DCLK3: variants seen among roughly 807,000 people sequenced by gnomAD.
DCLK3 encodes the protein serine/threonine-protein kinase DCLK3.
A neutral mutation model predicts 46.4 loss-of-function variants in DCLK3; 30 were observed. That is an observed-to-expected ratio of 0.65 (90% CI 0.48 to 0.88). The LOEUF (loss-of-function observed/expected upper bound fraction) is 0.88. DCLK3 is among the 40% of genes least tolerant of loss of function. The probability of loss-of-function intolerance (pLI) is 0.00; values close to 1 mark genes in which losing one functional copy is unlikely to be tolerated. For synonymous variants in DCLK3, 401 were observed against 339.2 expected, an observed-to-expected ratio of 1.18 and a Z score of -2.00; for missense variants, 846 against 907.1, an observed-to-expected ratio of 0.93 and a Z score of 0.87.
At chr3:36,720,011 A>T (rs1370610657) in intron 3 of DCLK3, among the ~76,000 whole-genome samples, 1 of 152,158 alleles carries the variant, frequency 6.6e-6, no homozygotes, top group Non-Finnish European at 1.5e-5. Context: ...CGGTTTGGAT[A>T]TTTGTCCCCT....
At chr3:36,736,455 G>A (rs968849997) in intron 2 of DCLK3, among the ~76,000 whole-genome samples, 2 of 152,170 alleles carry the variant, frequency 1.3e-5, no homozygotes, top group African/African-American at 2.4e-5. Flanking sequence ...ATTATGGTCA[G>A]AGTGGCCTTA....
chr3:36,718,504 C>T (rs1332462368), intron 3 of DCLK3, among the ~76,000 whole-genome samples: 1 of 152,210 alleles, frequency 6.6e-6, no homozygotes, highest in African/African-American at 2.4e-5. Context: ...CGCTCAGTTG[C>T]ATGATTGAAG....
chr3:36,738,131 G>C lies in DCLK3; in HGVS notation c.1036C>G (p.Leu346Val). ...GKGPMYDVEKLVRTRSCRRSP... is the reference protein window; with the variant it reads ...GKGPMYDVEKVVRTRSCRRSP... Reference sequence around the variant, plus strand: ...CTCCTGCAGCTTCTGGTCCTCACCAGCTTCTCCACATCATACATTGGGCCC... The same window carrying C: ...CTCCTGCAGCTTCTGGTCCTCACCACCTTCTCCACATCATACATTGGGCCC... Residue 346 changes from leucine to valine, a missense_variant, in exon 2 of 5, where the codon CTG becomes GTG. By Grantham distance (32) the Leu-to-Val change is conservative. Around this residue, in one of 3 missense-constraint regions of DCLK3, gnomAD observed 553 missense variants for 543.0 expected, o/e 1.02. Transcript: ENST00000636136. 1 of 1,614,014 alleles carries C rather than the reference G, an allele frequency of 6.2e-7. No individual in the cohort carries two copies. Among genetic ancestry groups the C allele is most frequent in the Non-Finnish European group, 8.5e-7 (1 of 1,179,990 alleles).
intron 3 of DCLK3, among the ~76,000 whole-genome samples, chr3:36,718,700 T>C (rs992204904): frequency 6.6e-6 from 1 of 152,194 alleles, no homozygotes; most frequent in African/African-American, 2.4e-5. Flanking sequence ...ACACTAGCAA[T>C]CTCTGCTTCC....
At chr3:36,727,959 C>T (rs1701145409) in intron 2 of DCLK3, among the ~76,000 whole-genome samples, 1 of 152,106 alleles carries the variant, frequency 6.6e-6, no homozygotes, top group South Asian at 2.1e-4. Context: ...ATTCTTCTTC[C>T]CAGAATCTGT....
At chr3:36,725,493 T>C (rs1158089542) in intron 2 of DCLK3, among the ~76,000 whole-genome samples, 1 of 152,098 alleles carries the variant, frequency 6.6e-6, no homozygotes, top group Non-Finnish European at 1.5e-5. Context: ...GGTGCATGCC[T>C]GTGGTCCCAG....
At chr3:36,717,404 A>G (rs1473070681) in intron 4 of DCLK3, among the ~76,000 whole-genome samples, 1 of 152,126 alleles carries the variant, frequency 6.6e-6, no homozygotes, top group Non-Finnish European at 1.5e-5. Context: ...CCAGCCTCCT[A>G]TTCTACTTTT....
intron 2 of DCLK3, among the ~76,000 whole-genome samples, chr3:36,729,559 A>G (rs1182972712): frequency 6.6e-6 from 1 of 152,216 alleles, no homozygotes; most frequent in Non-Finnish European, 1.5e-5. Context: ...AGCTTCAAGA[A>G]GAATCTTTAT....
intron 3 of DCLK3, among the ~76,000 whole-genome samples, chr3:36,720,504 CTT>C (rs34010996): frequency 3.1e-5 from 4 of 129,298 alleles, no homozygotes; most frequent in African/African-American, 2.9e-5. Flanking sequence ...ATCTCCTCAT[CTT>C]TTTTTTTTTT....
rs955199269 is a variant in DCLK3, at chr3:36,729,257, G to C, written c.1960-7598C>G. 2.5e-4 allele frequency among the ~76,000 whole-genome samples: 38 copies of C among 150,648 alleles called. 1 individual carries two copies. Among genetic ancestry groups the C allele is most frequent in the South Asian group, 2.3e-3 (11 of 4,722 alleles). On this transcript the variant is annotated intron_variant, in intron 2 of 4. Transcript: ENST00000636136. Reference sequence around the variant, plus strand: ...GGGTTGTGTGTGTGTGTGGGGGGGGGGGGTACAAAAGCCCCCTTTACACAC... The same window carrying C: ...GGGTTGTGTGTGTGTGTGGGGGGGGCGGGTACAAAAGCCCCCTTTACACAC...
At chr3:36,743,688 A>T (rs1235128956) in intron 1 of DCLK3, among the ~76,000 whole-genome samples, 1 of 152,190 alleles carries the variant, frequency 6.6e-6, no homozygotes, top group East Asian at 1.9e-4. Context: ...CCTCAATGCC[A>T]ATCTAACCCC....
chr3:36,718,616 A>T (rs1477277732), intron 3 of DCLK3, among the ~76,000 whole-genome samples: 1 of 152,214 alleles, frequency 6.6e-6, no homozygotes, highest in Non-Finnish European at 1.5e-5. Flanking sequence ...ATGCAGCAGG[A>T]CCGTGAGTCC....
intron 2 of DCLK3, among the ~76,000 whole-genome samples, chr3:36,730,812 C>T (rs1046128974): frequency 6.6e-6 from 1 of 151,460 alleles, no homozygotes; most frequent in Non-Finnish European, 1.5e-5. Context: ...GAAGGACTCA[C>T]TGAGGAAGCA....
chr3:36,720,995 T>C (rs1411091280), intron 3 of DCLK3, among the ~76,000 whole-genome samples: 1 of 152,234 alleles, frequency 6.6e-6, no homozygotes, highest in African/African-American at 2.4e-5. Context: ...ATCATAACTA[T>C]TATTTCCTTT....
intron 2 of DCLK3, among the ~76,000 whole-genome samples, chr3:36,729,952 G>A (rs760142730): frequency 3.3e-5 from 5 of 152,148 alleles, no homozygotes; most frequent in Admixed American, 2.6e-4. Flanking sequence ...CAAGGCAGGT[G>A]GATCACTTGA....
chr3:36,763,062 A>G (rs530137410), intron 1 of DCLK3, among the ~76,000 whole-genome samples: 81 of 152,008 alleles, frequency 5.3e-4, no homozygotes, highest in Admixed American at 3.7e-3. Flanking sequence ...CATCAGCCCA[A>G]CAGATCTCCA....
At chr3:36,728,491 A>G (rs191322593) in intron 2 of DCLK3, among the ~76,000 whole-genome samples, 5 of 152,226 alleles carry the variant, frequency 3.3e-5, no homozygotes, top group African/African-American at 4.8e-5. Flanking sequence ...GCTTGGATAG[A>G]ACGAAAGTAG....
rs1409907883 is a variant in DCLK3, at chr3:36,735,902, T to G, written c.1959+1306A>C. Among the ~76,000 whole-genome samples, 6 of 152,220 alleles carry G rather than the reference T, an allele frequency of 3.9e-5. No homozygotes were observed. In the South Asian group the frequency reaches 6.2e-4, roughly 16 times the overall value. Reference sequence around the variant, plus strand: ...CTGTTCTAGGTTTGGGAGCACAATCTGAATGAAACAAAGTCCATGCTGTCA... The same window carrying G: ...CTGTTCTAGGTTTGGGAGCACAATCGGAATGAAACAAAGTCCATGCTGTCA... On this transcript the variant is annotated intron_variant, in intron 2 of 4. Transcript: ENST00000636136.
intron 1 of DCLK3, among the ~76,000 whole-genome samples, chr3:36,749,101 G>A (rs1349167241): frequency 6.6e-6 from 1 of 152,162 alleles, no homozygotes; most frequent in African/African-American, 2.4e-5. Context: ...ATCCCAAGAG[G>A]GCATGGCTCC....
Sources: allele counts gnomAD v4.1 joint callset (sites outside exome capture counted in the v4.1 genomes callset), GRCh38; gene constraint gnomAD v4.1.1; regional missense constraint gnomAD v4.1.1; transcripts MANE v1.5; gene names NCBI Gene and HGNC (gene_info 2026-07-23, HGNC 2026-07-21).